KCNIP4: variants seen among roughly 807,000 people sequenced by gnomAD.
KCNIP4 encodes the protein Kv channel-interacting protein 4.
Under a neutral mutation model 34.0 loss-of-function variants are expected in KCNIP4, and 12 were observed. The ratio of observed to expected loss-of-function variants is 0.35; its 90% CI spans 0.23 to 0.57. The LOEUF (loss-of-function observed/expected upper bound fraction) is 0.57. KCNIP4 is among the 20% of genes least tolerant of loss of function. The pLI, the probability that KCNIP4 is intolerant of heterozygous loss-of-function variation, is 0.83. For missense variants in KCNIP4, 238 were observed against 311.7 expected (o/e 0.76, Z 1.78); for synonymous variants, 124 against 102.2 (o/e 1.21, Z -1.29).
intron 1 of KCNIP4, among the ~76,000 whole-genome samples, chr4:21,297,253 T>C (rs1450157347): frequency 6.6e-6 from 1 of 152,008 alleles, no homozygotes; most frequent in Non-Finnish European, 1.5e-5. Flanking sequence ...AAAATTCATC[T>C]GTGGGGTATC....
At position 21,214,753 on chromosome 4, in the gene KCNIP4, T is replaced by C. The variant is rs142725079; in HGVS notation, c.62-332044A>G. On this transcript the variant is annotated intron_variant, in intron 1 of 8. Transcript: ENST00000382152. Reference sequence around the variant, plus strand: ...CATAAAAACCTACACAGTTTATACTTCTTTCTTATTTCAGGATGTTTTCTC... The same window carrying C: ...CATAAAAACCTACACAGTTTATACTCCTTTCTTATTTCAGGATGTTTTCTC... Among the ~76,000 whole-genome samples the C allele has an allele frequency of 3.3e-3, 501 of 152,328 alleles. 4 individuals are homozygous for C. The highest frequency in any genetic ancestry group is 0.011 in the African/African-American group (465 of 41,578).
At chr4:21,696,867 G>A (rs1379822709) in intron 1 of KCNIP4, among the ~76,000 whole-genome samples, 1 of 152,026 alleles carries the variant, frequency 6.6e-6, no homozygotes, top group East Asian at 1.9e-4. Flanking sequence ...GGAACCCAGA[G>A]ATCCAAAAGA....
intron 1 of KCNIP4, among the ~76,000 whole-genome samples, chr4:21,813,649 C>T (rs376374096): frequency 1.3e-5 from 2 of 152,002 alleles, no homozygotes; most frequent in Admixed American, 1.3e-4. Flanking sequence ...CAAACTAATG[C>T]AAATATAATA....
chr4:21,385,575 TA>T (rs1368173183), intron 1 of KCNIP4, among the ~76,000 whole-genome samples: 2 of 152,320 alleles, frequency 1.3e-5, no homozygotes, highest in South Asian at 2.1e-4. Flanking sequence ...CGATCAGTGC[TA>T]AAACATATAG....
rs570347584 is a variant in KCNIP4 at position 21,882,949 on chromosome 4, A to AT, written c.61+65621dup. 1.1e-4 allele frequency among the ~76,000 whole-genome samples: 16 copies of AT among 152,144 alleles called. No homozygotes were observed. In the East Asian group the frequency reaches 2.7e-3, roughly 26 times the overall value. On this transcript the variant is annotated intron_variant, in intron 1 of 8. Transcript: ENST00000382152. ...CAACAGAATGTTTTAATACCTGATT[A>AT]TTTTTTTCCCTGAAATTCACTTAAA...
At chr4:21,213,554 G>A (rs1757373200) in intron 1 of KCNIP4, among the ~76,000 whole-genome samples, 1 of 151,962 alleles carries the variant, frequency 6.6e-6, no homozygotes, top group Non-Finnish European at 1.5e-5. Context: ...CACCTGCCTT[G>A]CCCTCCCAAA....
intron 1 of KCNIP4, among the ~76,000 whole-genome samples, chr4:21,293,561 C>T (rs1385149053): frequency 6.6e-6 from 1 of 152,160 alleles, no homozygotes; most frequent in Non-Finnish European, 1.5e-5. Context: ...CAGAGATAGG[C>T]AGAGAGACAG....
intron 1 of KCNIP4, among the ~76,000 whole-genome samples, chr4:21,147,667 G>A (rs950249118): frequency 9.2e-5 from 14 of 152,072 alleles, no homozygotes; most frequent in South Asian, 4.1e-4. Context: ...GGCCAGGCGC[G>A]GTGGCTCACA....
chr4:20,949,759 C>CA (rs1732575008), intron 1 of KCNIP4, among the ~76,000 whole-genome samples: 1 of 149,244 alleles, frequency 6.7e-6, no homozygotes, highest in Non-Finnish European at 1.5e-5. Context: ...ATCGCAATAA[C>CA]AAAAAACCAA....
chr4:20,900,785 T>A (rs1361436797), intron 1 of KCNIP4, among the ~76,000 whole-genome samples: 1 of 151,514 alleles, frequency 6.6e-6, no homozygotes, highest in African/African-American at 2.4e-5. Flanking sequence ...ACAGTGTTGT[T>A]AAAACACTCA....
At chr4:20,785,612 G>C (rs998194471) in intron 3 of KCNIP4, among the ~76,000 whole-genome samples, 34 of 151,984 alleles carry the variant, frequency 2.2e-4, no homozygotes, top group African/African-American at 8.2e-4. Flanking sequence ...AGAGCACAAT[G>C]GGGATAATAC....
At chr4:20,978,377 T>C (rs1735687487) in intron 1 of KCNIP4, among the ~76,000 whole-genome samples, 1 of 152,242 alleles carries the variant, frequency 6.6e-6, no homozygotes, top group African/African-American at 2.4e-5. Flanking sequence ...ACTATTCCTG[T>C]ATGAAAGCAA....
intron 1 of KCNIP4, among the ~76,000 whole-genome samples, chr4:21,042,339 G>T (rs1742033790): frequency 6.6e-6 from 1 of 152,162 alleles, no homozygotes; most frequent in African/African-American, 2.4e-5. Context: ...TATACACAAT[G>T]AAATATTATT....
chr4:21,327,567 G>C (rs896109214), intron 1 of KCNIP4, among the ~76,000 whole-genome samples: 1 of 152,000 alleles, frequency 6.6e-6, no homozygotes, highest in Non-Finnish European at 1.5e-5. Context: ...TAAGCTTCTT[G>C]TACTTGAATA....
In KCNIP4 at chr4:21,687,318, A is replaced by AT. The variant is rs1222130288; in HGVS notation, c.61+261252_61+261253insA. Among the ~76,000 whole-genome samples, 842 of 95,768 alleles carry AT rather than the reference A, an allele frequency of 8.8e-3. 5 individuals carry two copies. Among genetic ancestry groups the AT allele is most frequent in the African/African-American group, 0.022 (781 of 35,680 alleles). 62.8% of individuals were successfully genotyped at this position (95,768 alleles called of 152,430 possible). A position where few individuals can be genotyped will look rare whatever the true frequency, so the allele number is the denominator to read the frequency against. On this transcript the variant is annotated intron_variant, in intron 1 of 8. Coordinates refer to ENST00000382152, the MANE Select transcript of KCNIP4 (RefSeq NM_025221.6). ...CATATACCCTAAAACTTAAAGTATA[A>AT]AAAAAAAAAAAAAAGAAGTGATTAG...
intron 1 of KCNIP4, among the ~76,000 whole-genome samples, chr4:20,968,473 C>T (rs1297395815): frequency 6.6e-6 from 1 of 152,122 alleles, no homozygotes; most frequent in Admixed American, 6.5e-5. Flanking sequence ...AAGACACATG[C>T]ACACATATGT....
At chr4:21,176,179 G>A (rs1577834384) in intron 1 of KCNIP4, among the ~76,000 whole-genome samples, 1 of 152,318 alleles carries the variant, frequency 6.6e-6, no homozygotes, top group South Asian at 2.1e-4. Flanking sequence ...TTAAGACCAA[G>A]ACTGCAGACC....
At chr4:21,251,423 G>A (rs745870957) in intron 1 of KCNIP4, among the ~76,000 whole-genome samples, 67 of 151,922 alleles carry the variant, frequency 4.4e-4, no homozygotes, top group Non-Finnish European at 9.1e-4. Context: ...AGCCAGTACC[G>A]AGAACACTGT....
At chr4:21,784,692 T>A (rs1455388363) in intron 1 of KCNIP4, among the ~76,000 whole-genome samples, 1 of 152,190 alleles carries the variant, frequency 6.6e-6, no homozygotes, top group Admixed American at 6.5e-5. Flanking sequence ...ATTTGGAACA[T>A]TCTGACGAAA....
Sources: gnomAD v4.1 joint callset for allele counts (sites outside exome capture counted in the v4.1 genomes callset) on GRCh38, gnomAD v4.1.1 for gene constraint, MANE v1.5 for transcripts, NCBI Gene and HGNC (gene_info 2026-07-23, HGNC 2026-07-21) for gene names.